The following F13A1 variants were observed in gnomAD, a reference collection of about 807,000 sequenced individuals.
F13A1 encodes coagulation factor XIII A chain.
Under a neutral mutation model 80.1 loss-of-function variants are expected in F13A1, and 47 were observed. The ratio of observed to expected loss-of-function variants is 0.59; its 90% confidence interval spans 0.46 to 0.75. F13A1 has a LOEUF of 0.75. Ranked by LOEUF, F13A1 falls within the 30% of genes least tolerant of loss-of-function variation. The pLI is 0.00. For missense variants in F13A1, 817 were observed against 930.4 expected (o/e 0.88, Z 1.59); for synonymous variants, 349 against 344.9 (o/e 1.01, Z -0.13).
At chr6:6,313,300 T>A (rs1011081633) in intron 2 of F13A1, among the ~76,000 whole-genome samples, 6 of 101,028 alleles carry the variant, frequency 5.9e-5, no homozygotes, top group East Asian at 6.7e-4. Flanking sequence ...TTTTTTTTTT[T>A]AAATACGGTA....
chr6:6,229,958 C>T (rs1307608152), intron 6 of F13A1, among the ~76,000 whole-genome samples: 1 of 152,198 alleles, frequency 6.6e-6, no homozygotes, highest in Non-Finnish European at 1.5e-5. Context: ...GCTAGGTCCC[C>T]TAGCAGGCCA....
At chr6:6,153,086 A>G (rs1033823054) in intron 13 of F13A1, among the ~76,000 whole-genome samples, 3 of 152,210 alleles carry the variant, frequency 2.0e-5, no homozygotes, top group Non-Finnish European at 2.9e-5. Flanking sequence ...TTTAACTCCA[A>G]TACTTAGTAC....
At position 6,174,637 on chromosome 6, in the gene F13A1, C is replaced by T; in HGVS notation, c.1690G>A (p.Val564Ile). The T allele has an allele frequency of 2.5e-6, 4 of 1,614,120 alleles. No homozygotes were observed. Among genetic ancestry groups the T allele is most frequent in the South Asian group, 1.1e-5 (1 of 91,062 alleles). ...LSANITFYTGVPKAEFKKETF... is the reference protein window; with the variant it reads ...LSANITFYTGIPKAEFKKETF... ...TCCTTCTTGAATTCTGCCTTCGGGA[C>T]CCCGGTGTAGAAGGTGATGTTGGCT... Residue 564 changes from valine (V) to isoleucine (I), a missense_variant, in exon 12 of 15, where the codon GTC becomes ATC. Coordinates refer to ENST00000264870, the MANE Select transcript of F13A1 (RefSeq NM_000129.4).
chr6:6,160,708 TA>T (rs1332230776), intron 13 of F13A1, among the ~76,000 whole-genome samples: 1 of 152,054 alleles, frequency 6.6e-6, no homozygotes, highest in East Asian at 1.9e-4. Context: ...CAAATAACTA[TA>T]TGAAGAATGG....
At chr6:6,290,814 TCA>T (rs1478967262) in intron 3 of F13A1, among the ~76,000 whole-genome samples, 2 of 152,210 alleles carry the variant, frequency 1.3e-5, no homozygotes, top group East Asian at 3.8e-4. Context: ...AAATGTTGCT[TCA>T]AAATGATGAA....
At chr6:6,219,599 G>T (rs1757160488) in intron 8 of F13A1, among the ~76,000 whole-genome samples, 1 of 152,150 alleles carries the variant, frequency 6.6e-6, no homozygotes, top group East Asian at 1.9e-4. Context: ...GCTTGACATA[G>T]GAGTGTGGCT....
intron 13 of F13A1, among the ~76,000 whole-genome samples, chr6:6,152,526 G>A (rs1272782907): frequency 1.3e-5 from 2 of 152,160 alleles, no homozygotes; most frequent in Non-Finnish European, 2.9e-5. Flanking sequence ...AAGGTTATTT[G>A]TTGGTGAGTT....
intron 2 of F13A1, among the ~76,000 whole-genome samples, chr6:6,312,558 G>A (rs200555759): frequency 8.8e-6 from 1 of 113,096 alleles, no homozygotes; most frequent in Non-Finnish European, 1.8e-5. Context: ...CGTGCCTGTA[G>A]TCCCAGCTAC....
chr6:6,203,155 T>C (rs886466592), intron 8 of F13A1, among the ~76,000 whole-genome samples: 35 of 152,354 alleles, frequency 2.3e-4, no homozygotes, highest in African/African-American at 8.4e-4. Flanking sequence ...TGCAGATCTA[T>C]ATTGACTAGG....
At position 6,286,044 on chromosome 6, in the gene F13A1, C is replaced by T. The variant is rs558141426; in HGVS notation, c.320-19235G>A. ...CAGGCCACTGCACACGCAGACACAC[C>T]ACTTAAGGGAAGAATCACAGGAGTA... is the stretch of plus-strand genomic sequence containing the variant. On this transcript the variant is annotated intron_variant, in intron 3 of 14. Coordinates refer to ENST00000264870, the MANE Select transcript of F13A1 (RefSeq NM_000129.4). Among the ~76,000 whole-genome samples the T allele has an allele frequency of 2.0e-5, 3 of 152,358 alleles. No homozygotes were observed. In the East Asian group the frequency reaches 5.8e-4, roughly 29 times the overall value.
At chr6:6,230,294 G>C (rs1757332442) in intron 6 of F13A1, among the ~76,000 whole-genome samples, 1 of 152,092 alleles carries the variant, frequency 6.6e-6, no homozygotes, top group African/African-American at 2.4e-5. Context: ...TTGCATGGCA[G>C]CTGGGTGACT....
At chr6:6,210,324 G>GATATATATATACATATATATATATAT in intron 8 of F13A1, among the ~76,000 whole-genome samples, 1 of 82,906 alleles carries the variant, frequency 1.2e-5, no homozygotes, top group Non-Finnish European at 2.3e-5. Flanking sequence ...TGTAGCATGT[G>GATATATATATACATATATATATATAT]ATATATATAT....
At chr6:6,272,607 G>A (rs185827591) in intron 3 of F13A1, among the ~76,000 whole-genome samples, 9 of 152,262 alleles carry the variant, frequency 5.9e-5, no homozygotes, top group East Asian at 3.9e-4. Context: ...TTAGGGAAAC[G>A]AACGTAGGAG....
At chr6:6,233,180 G>T (rs1757374724) in intron 6 of F13A1, among the ~76,000 whole-genome samples, 1 of 151,862 alleles carries the variant, frequency 6.6e-6, no homozygotes, top group South Asian at 2.1e-4. Context: ...TATTTAAAAA[G>T]ATAAATAAAA....
intron 3 of F13A1, among the ~76,000 whole-genome samples, chr6:6,273,987 C>T (rs1481075237): frequency 6.6e-6 from 1 of 152,234 alleles, no homozygotes; most frequent in East Asian, 1.9e-4. Context: ...AAAAGCAAAT[C>T]ATCTCTTTGA....
At chr6:6,197,376 C>T in intron 8 of F13A1, 50 bp from the exon 9 acceptor site, 1 of 1,549,960 alleles carries the variant, frequency 6.5e-7, no homozygotes, top group Non-Finnish European at 8.9e-7. Context: ...ACACCCAATG[C>T]TCCAAGAGAT....
intron 3 of F13A1, among the ~76,000 whole-genome samples, chr6:6,300,533 G>A (rs111958182): frequency 0.054 from 8,232 of 151,712 alleles, 615 homozygotes; most frequent in African/African-American, 0.16. Flanking sequence ...CCCTTTCTTT[G>A]ACTCGGAAAG....
In F13A1 at chr6:6,197,238, G is replaced by A. The variant is rs1157725177; in HGVS notation, c.1201C>T (p.Gln401Ter). The change falls in exon 9 of 15, where the codon CAG (glutamine) becomes TAG (stop). Residue 401 changes from glutamine to a stop codon, truncating the protein, a stop_gained. Transcript: ENST00000264870. LOFTEE classifies it high-confidence loss of function. The part of the protein sequence containing the change: ...GGWQAVDSTP[Q>*]ENSDGMYRCG... ...ACAGTTTTACCATCGCTATTTTCCT[G>A]GGGGGTGCTGTCCACAGCTTGCCAG... 1 of 1,613,436 alleles carries A rather than the reference G, an allele frequency of 6.2e-7. No individual in the cohort carries two copies. The highest frequency in any genetic ancestry group is 2.2e-5 in the East Asian group (1 of 44,886).
rs113599940 is a variant in F13A1 at position 6,174,609 on chromosome 6, G to A, written c.1718C>T (p.Thr573Met). ...CAAGGGCTCCAGCGTCACGTCGAACGTCTCCTTCTTGAATTCTGCCTTCGG... is the reference window on the plus strand; with the variant it reads ...CAAGGGCTCCAGCGTCACGTCGAACATCTCCTTCTTGAATTCTGCCTTCGG... ...GVPKAEFKKETFDVTLEPLSF... is the reference protein window; with the variant it reads ...GVPKAEFKKEMFDVTLEPLSF... The change falls in exon 12 of 15, where the codon ACG becomes ATG. Residue 573 changes from threonine to methionine, a missense_variant. Thr to Met is a moderately conservative substitution (Grantham distance 81). Transcript: ENST00000264870. 60 of 1,614,008 alleles carry A rather than the reference G, an allele frequency of 3.7e-5. 1 individual carries two copies. The South Asian group carries it at 5.4e-4, about 14-fold the overall frequency.
Sources: gnomAD v4.1 joint callset for allele counts (sites outside exome capture counted in the v4.1 genomes callset) on GRCh38, gnomAD v4.1.1 for gene constraint, MANE v1.5 for transcripts, NCBI Gene and HGNC (gene_info 2026-07-23, HGNC 2026-07-21) for gene names.